Variants in MSTN observed in about 807,000 individuals in gnomAD.
The protein encoded by MSTN is growth/differentiation factor 8.
A neutral mutation model predicts 32.3 loss-of-function variants in MSTN; 12 were observed. The observed-to-expected ratio is 0.37, with a 90% CI of 0.24 to 0.60. The LOEUF is 0.60. MSTN is among the 20% of genes least tolerant of loss of function. The probability of loss-of-function intolerance (pLI) is 0.67; values close to 1 mark genes in which losing one functional copy is unlikely to be tolerated. For synonymous variants in MSTN, 168 were observed against 155.1 expected (o/e 1.08, Z -0.62); for missense variants, 403 against 450.3 (o/e 0.89, Z 0.95).
rs781220890 is a variant in MSTN, at chr2:190,062,445, G to A, written c.152C>T (p.Ser51Leu). 3.1e-6 allele frequency: 5 copies of A among 1,613,290 alleles called. No homozygotes were observed. The African/African-American group carries it at 6.7e-5, about 22-fold the overall frequency. The change falls in exon 1 of 3, where the codon TCA becomes TTA. Residue 51 changes from serine to leucine, a missense_variant. Coordinates refer to ENST00000260950, the MANE Select transcript of MSTN (RefSeq NM_005259.3). ...TTGTATCTTAATGGCTTCTATTCTT[G>A]AAGATTTAGTGTTTTGTCTCCAAGT... ...ACTWRQNTKS[S>L]RIEAIKIQIL...
At position 190,060,262 on chromosome 2, in the gene MSTN, C is replaced by T. The variant is rs749141789; in HGVS notation, c.547G>A (p.Gly183Ser). Residue 183 changes from glycine (G) to serine (S), a missense_variant, in exon 2 of 3, where the codon GGT becomes AGT. Gly to Ser is a moderately conservative substitution (Grantham distance 56, BLOSUM62 0). Coordinates refer to ENST00000260950, the MANE Select transcript of MSTN (RefSeq NM_005259.3). Reference sequence around the variant, plus strand: ...GATCGGATTCCAGTATACCTTGTACCGTCTTTCATAGGTTTGATGAGTCTC... The same window carrying T: ...GATCGGATTCCAGTATACCTTGTACTGTCTTTCATAGGTTTGATGAGTCTC... ...ILRLIKPMKDGTRYTGIRSLK... is the reference protein window; with the variant it reads ...ILRLIKPMKDSTRYTGIRSLK... 1.2e-5 allele frequency: 20 copies of T among 1,612,860 alleles called. No individual in the cohort carries two copies. Among genetic ancestry groups the T allele is most frequent in the East Asian group, 2.2e-5 (1 of 44,858 alleles).
intron 2 of MSTN, 33 bp downstream of exon 2, chr2:190,060,029 G>T (rs758476023): frequency 6.3e-7 from 1 of 1,596,000 alleles, no homozygotes; most frequent in Non-Finnish European, 8.6e-7. Flanking sequence ...AAAACATAAG[G>T]TTATTATAAT....
At chr2:190,058,861 A>G (rs1481150298) in intron 2 of MSTN, among the ~76,000 whole-genome samples, 4 of 151,932 alleles carry the variant, frequency 2.6e-5, no homozygotes, top group Non-Finnish European at 5.9e-5. Flanking sequence ...GGGATTAAAA[A>G]CTACATATTT....
At chr2:190,059,778 C>A (rs1292876973) in intron 2 of MSTN, among the ~76,000 whole-genome samples, 1 of 151,728 alleles carries the variant, frequency 6.6e-6, no homozygotes, top group East Asian at 1.9e-4. Context: ...TAATGAAAAG[C>A]ACTTTATATT....
chr2:190,057,634 G>T lies in MSTN; in HGVS notation c.752C>A (p.Pro251Gln). The change falls in exon 3 of 3, where the codon CCG (proline) becomes CAG (glutamine). Residue 251 changes from proline (P) to glutamine (Q), a missense_variant. Transcript: ENST00000260950. Reference protein sequence around the residue: ...FPGPGEDGLNPFLEVKVTDTP... With the variant: ...FPGPGEDGLNQFLEVKVTDTP... ...GTCTGTTACCTTGACCTCTAAAAACGGATTCTGTTTGAAAAGGAAAGAACA... is the reference window on the plus strand; with the variant it reads ...GTCTGTTACCTTGACCTCTAAAAACTGATTCTGTTTGAAAAGGAAAGAACA... 1 of 1,612,948 alleles carries T rather than the reference G, an allele frequency of 6.2e-7. No individual in the cohort carries two copies. The highest frequency in any genetic ancestry group is 1.1e-5 in the South Asian group (1 of 91,010).
At chr2:190,061,505 G>A (rs188861671) in intron 1 of MSTN, among the ~76,000 whole-genome samples, 6 of 151,778 alleles carry the variant, frequency 4.0e-5, no homozygotes, top group Non-Finnish European at 7.4e-5. Context: ...CACAAACTGG[G>A]TACTCTCAAT....
Position 190,060,427 on chromosome 2 carries a change from G to A in MSTN, c.382C>T (p.Leu128=). 6.2e-7 allele frequency: 1 copy of A among 1,609,354 alleles called. No individual in the cohort carries two copies. The highest frequency in any genetic ancestry group is 8.5e-7 in the Non-Finnish European group (1 of 1,178,188). The change falls in exon 2 of 3, where the codon CTA becomes TTA. Residue 128 remains leucine (L), a synonymous_variant. Coordinates refer to ENST00000260950, the MANE Select transcript of MSTN (RefSeq NM_005259.3). ...TTGGGTTTTCCATCCACTTGCATTA[G>A]AAAATCAGCTATAAATGAATAAGAA... ...IITMPTESDF[L]MQVDGKPKCC...
Position 190,062,214 on chromosome 2 carries a change from G to A in MSTN, c.373+10C>T, listed in dbSNP as rs1428465165. The A allele has an allele frequency of 3.1e-6, 5 of 1,612,318 alleles. No homozygotes were observed. In the South Asian group the frequency reaches 5.5e-5, roughly 18 times the overall value. ...CAGAACTGTTGATATACACTAATAG[G>A]ACTACTTACACTCTGTAGGCATGGT... On this transcript the variant is annotated intron_variant, in intron 1 of 2. Transcript: ENST00000260950.
At position 190,057,133 on chromosome 2, in the gene MSTN, C is replaced by G; in HGVS notation, c.*125G>C. ...CCCCCTTTTAGTTTACATACTGTAG[C>G]TTATGCTTAAGTGACTGTAGCATAC... On this transcript the variant is annotated 3_prime_UTR_variant, in exon 3 of 3. Coordinates refer to ENST00000260950, the MANE Select transcript of MSTN (RefSeq NM_005259.3). The G allele has an allele frequency of 2.0e-6, 2 of 976,716 alleles. No individual in the cohort carries two copies. Among genetic ancestry groups the G allele is most frequent in the Non-Finnish European group, 3.1e-6 (2 of 646,470 alleles). 60.5% of individuals were successfully genotyped at this position (976,716 alleles called of 1,614,324 possible). A position where few individuals can be genotyped will look rare whatever the true frequency, so the allele number is the denominator to read the frequency against.
At chr2:190,062,136 TA>T in intron 1 of MSTN, 87 bp downstream of exon 1, 1 of 1,428,210 alleles carries the variant, frequency 7.0e-7, no homozygotes. Context: ...ACAGCTTGTT[TA>T]AAAGAGCCTG....
At chr2:190,059,887 C>T (rs1343887372) in intron 2 of MSTN, among the ~76,000 whole-genome samples, 175 bp downstream of exon 2, 2 of 151,934 alleles carry the variant, frequency 1.3e-5, no homozygotes, top group African/African-American at 4.8e-5. Context: ...GGGAGTGTTT[C>T]ATAGGATATG....
Position 190,057,105 on chromosome 2 carries a change from A to G in MSTN, c.*153T>C. The G allele has an allele frequency of 1.4e-6, 1 of 737,574 alleles. No homozygotes were observed. The highest frequency in any genetic ancestry group is 2.2e-6 in the Non-Finnish European group (1 of 455,824). 45.7% of individuals were successfully genotyped at this position (737,574 alleles called of 1,614,324 possible). A position where few individuals can be genotyped will look rare whatever the true frequency, so the allele number is the denominator to read the frequency against. ...TGGTTAAATGCCAACCATTGCATATATTCCCCCTTTTAGTTTACATACTGT... is the reference window on the plus strand; with the variant it reads ...TGGTTAAATGCCAACCATTGCATATGTTCCCCCTTTTAGTTTACATACTGT... On this transcript the variant is annotated 3_prime_UTR_variant, in exon 3 of 3. Coordinates refer to ENST00000260950, the MANE Select transcript of MSTN (RefSeq NM_005259.3).
Position 190,060,192 on chromosome 2 carries a change from A to T in MSTN, c.617T>A (p.Ile206Asn). ...ATTTTGCAACACTGTCTTCACATCA[A>T]TGCTCTGCCAAATACCAGTGCCTGG... ...MNPGTGIWQS[I>N]DVKTVLQNWL... Residue 206 changes from isoleucine to asparagine, a missense_variant, in exon 2 of 3, where the codon ATT becomes AAT. Transcript: ENST00000260950. 1 of 1,613,036 alleles carries T rather than the reference A, an allele frequency of 6.2e-7. No individual in the cohort carries two copies. The highest frequency in any genetic ancestry group is 8.5e-7 in the Non-Finnish European group (1 of 1,179,264).
At chr2:190,061,384 G>A (rs10497708) in intron 1 of MSTN, among the ~76,000 whole-genome samples, 10,387 of 151,986 alleles carry the variant, frequency 0.068, 858 homozygotes, top group African/African-American at 0.2. Flanking sequence ...GGAATTGTAT[G>A]AAATATGTTA....
In MSTN at chr2:190,060,403, T is replaced by G. The variant is rs772180319; in HGVS notation, c.406A>C (p.Lys136Gln). The change falls in exon 2 of 3, where the codon AAA (lysine) becomes CAA (glutamine). Residue 136 changes from lysine (K) to glutamine (Q), a missense_variant. Transcript: ENST00000260950. ...DFLMQVDGKP[K>Q]CCFFKFSSKI... ...GAGCTAAATTTAAAGAAGCAACATTTGGGTTTTCCATCCACTTGCATTAGA... is the reference window on the plus strand; with the variant it reads ...GAGCTAAATTTAAAGAAGCAACATTGGGGTTTTCCATCCACTTGCATTAGA... 3 of 1,610,798 alleles carry G rather than the reference T, an allele frequency of 1.9e-6. No homozygotes were observed. In the East Asian group the frequency reaches 6.7e-5, roughly 36 times the overall value.
At chr2:190,059,776 A>G (rs982472549) in intron 2 of MSTN, among the ~76,000 whole-genome samples, 8 of 151,966 alleles carry the variant, frequency 5.3e-5, no homozygotes, top group African/African-American at 1.4e-4. Flanking sequence ...ATTAATGAAA[A>G]GCACTTTATA....
chr2:190,059,265 G>A lies in MSTN; in HGVS notation c.747+797C>T, dbSNP rs73047898. On this transcript the variant is annotated intron_variant, in intron 2 of 2. Transcript: ENST00000260950. ...ACAGAAATTTAGGTAAGCCAGAAGA[G>A]TAACCCTAAATTTGTACTAGGAATT... Among the ~76,000 whole-genome samples, 1,417 of 151,938 alleles carry A rather than the reference G, an allele frequency of 9.3e-3. 28 individuals carry two copies. Among genetic ancestry groups the A allele is most frequent in the African/African-American group, 0.032 (1,309 of 41,472 alleles).
intron 2 of MSTN, among the ~76,000 whole-genome samples, chr2:190,058,786 A>AAG (rs2105750914): frequency 1.3e-5 from 2 of 152,120 alleles, no homozygotes; most frequent in South Asian, 4.1e-4. Context: ...AGTGCGAGCT[A>AAG]AGCTATGCGT....
Position 190,057,978 on chromosome 2 carries a change from A to T in MSTN, c.748-340T>A, listed in dbSNP as rs564709962. Among the ~76,000 whole-genome samples, 3 of 152,112 alleles carry T rather than the reference A, an allele frequency of 2.0e-5. No homozygotes were observed. In the South Asian group the frequency reaches 6.2e-4, roughly 32 times the overall value. ...GAGGGAAGGAAGAAAGGAGAGAGAG[A>T]GGAGAAGAAGAAGTGGGGAATGAAG... On this transcript the variant is annotated intron_variant, in intron 2 of 2. Transcript: ENST00000260950.
Sources: gnomAD v4.1 joint callset for allele counts (sites outside exome capture counted in the v4.1 genomes callset) on GRCh38, gnomAD v4.1.1 for gene constraint, MANE v1.5 for transcripts, NCBI Gene and HGNC (gene_info 2026-07-23, HGNC 2026-07-21) for gene names.